The following SEMA5A variants were observed in gnomAD, a reference collection of about 807,000 sequenced individuals.
SEMA5A encodes the protein semaphorin 5A.
A neutral mutation model predicts 135.5 loss-of-function variants in SEMA5A; 55 were observed. The observed-to-expected ratio is 0.41, with a 90% CI of 0.33 to 0.51. The LOEUF (loss-of-function observed/expected upper bound fraction) is 0.51, where lower values mean the gene tolerates loss of function less well. SEMA5A is among the 20% of genes least tolerant of loss of function. The probability of loss-of-function intolerance (pLI) is 0.37; values close to 1 mark genes in which losing one functional copy is unlikely to be tolerated. For missense variants in SEMA5A, 1,290 were observed against 1,419.9 expected, an observed-to-expected ratio of 0.91 and a Z score of 1.47; for synonymous variants, 580 against 546.5, an observed-to-expected ratio of 1.06 and a Z score of -0.85.
At chr5:9,155,336 G>A (rs536234926) in intron 11 of SEMA5A, among the ~76,000 whole-genome samples, 5 of 152,064 alleles carry the variant, frequency 3.3e-5, no homozygotes, top group East Asian at 3.9e-4. Context: ...AGCCCTCCCC[G>A]CTCCAGGCTT....
chr5:9,158,670 C>G (rs538125580), intron 11 of SEMA5A, among the ~76,000 whole-genome samples: 14 of 152,158 alleles, frequency 9.2e-5, no homozygotes, highest in African/African-American at 3.4e-4. Flanking sequence ...TGAAAATGTC[C>G]CCTACTCATT....
intron 1 of SEMA5A, among the ~76,000 whole-genome samples, chr5:9,497,427 C>A (rs752812381): frequency 1.3e-5 from 2 of 152,136 alleles, no homozygotes; most frequent in African/African-American, 2.4e-5. Context: ...GGCTATAGTG[C>A]CGATAATGGA....
intron 16 of SEMA5A, among the ~76,000 whole-genome samples, chr5:9,103,852 T>A (rs1739760964): frequency 6.6e-6 from 1 of 152,182 alleles, no homozygotes; most frequent in South Asian, 2.1e-4. Flanking sequence ...AGAGTTAAGA[T>A]TTGTGTTACG....
intron 11 of SEMA5A, among the ~76,000 whole-genome samples, chr5:9,171,745 C>A (rs1743934862): frequency 3.3e-5 from 5 of 152,260 alleles, no homozygotes; most frequent in Admixed American, 2.6e-4. Context: ...GATATATGTC[C>A]TCCAGCTAAA....
chr5:9,204,379 T>A lies in SEMA5A; in HGVS notation c.647-2139A>T, dbSNP rs1024589142. The stretch of plus-strand genomic sequence containing the variant: ...CTTCTGCTATTAACTTGGGGACAAA[T>A]GGCATGAAAACCACATAGTAAATAG... On this transcript the variant is annotated intron_variant, in intron 8 of 22. Transcript: ENST00000382496. The surrounding 1 kb of genome is among the most constrained non-coding windows in gnomAD (Gnocchi z 6.4). Among the ~76,000 whole-genome samples, 1 of 152,180 alleles carries A rather than the reference T, an allele frequency of 6.6e-6. No homozygotes were observed. The highest frequency in any genetic ancestry group is 2.4e-5 in the African/African-American group (1 of 41,440).
intron 11 of SEMA5A, among the ~76,000 whole-genome samples, chr5:9,157,342 G>A (rs1806138): frequency 0.15 from 23,031 of 152,164 alleles, 1,789 homozygotes; most frequent in South Asian, 0.29. Context: ...AAAGCTGAAT[G>A]TTGGCTCTGT....
At chr5:9,067,510 C>T (rs761235289) in intron 16 of SEMA5A, among the ~76,000 whole-genome samples, 6 of 151,964 alleles carry the variant, frequency 3.9e-5, no homozygotes, top group Non-Finnish European at 5.9e-5. Flanking sequence ...CTAGTGATGG[C>T]CACAGGATTA....
chr5:9,420,919 G>A (rs760342262), intron 2 of SEMA5A, among the ~76,000 whole-genome samples: 5 of 152,198 alleles, frequency 3.3e-5, no homozygotes, highest in Admixed American at 1.3e-4. Flanking sequence ...GGGAAGCTGA[G>A]GCAGGAGAAT....
chr5:9,067,670 C>T (rs554018181), intron 16 of SEMA5A, among the ~76,000 whole-genome samples: 1 of 152,326 alleles, frequency 6.6e-6, no homozygotes, highest in East Asian at 1.9e-4. Context: ...TAGAGCTAAA[C>T]TTGAGTTTGG....
chr5:9,337,775 A>G lies in SEMA5A; in HGVS notation c.162T>C (p.Asn54=). The G allele has an allele frequency of 6.2e-7, 1 of 1,611,726 alleles. No individual in the cohort carries two copies. The highest frequency in any genetic ancestry group is 8.5e-7 in the Non-Finnish European group (1 of 1,178,452). ...GPWLREFRAK[N]AVDFSQLTFD... is the part of the protein sequence containing the mutation. ...ATGTTAACTGCGAGAAATCCACAGC[A>G]TTCTTCGCTCTGAACTCCCGTAACC... is the stretch of plus-strand genomic sequence containing the variant. Residue 54 remains asparagine, a synonymous_variant, in exon 4 of 23, where the codon AAT becomes AAC. Coordinates refer to ENST00000382496, the MANE Select transcript of SEMA5A (RefSeq NM_003966.3).
intron 16 of SEMA5A, among the ~76,000 whole-genome samples, chr5:9,075,810 A>G (rs558908737): frequency 1.3e-5 from 2 of 152,334 alleles, no homozygotes; most frequent in African/African-American, 2.4e-5. Context: ...TTAAACATGT[A>G]GTGCATTGTA....
chr5:9,112,207 T>G (rs1560927619), intron 15 of SEMA5A, among the ~76,000 whole-genome samples: 1 of 152,238 alleles, frequency 6.6e-6, no homozygotes, highest in African/African-American at 2.4e-5. Context: ...ATTAATGACC[T>G]AGCACTGTTT....
intron 1 of SEMA5A, among the ~76,000 whole-genome samples, chr5:9,538,436 C>T (rs1237454378): frequency 1.3e-5 from 2 of 152,174 alleles, no homozygotes; most frequent in African/African-American, 4.8e-5. Flanking sequence ...CAGAAGCAGG[C>T]ATCATGAACT....
At chr5:9,248,479 A>T (rs193247116) in intron 5 of SEMA5A, among the ~76,000 whole-genome samples, 1 of 151,768 alleles carries the variant, frequency 6.6e-6, no homozygotes, top group East Asian at 1.9e-4. Flanking sequence ...AGGGTGGAGC[A>T]TTGGAGTAGG....
Position 9,063,430 on chromosome 5 carries a change from A to C in SEMA5A, c.2300-325T>G, listed in dbSNP as rs559194769. On this transcript the variant is annotated intron_variant, in intron 17 of 22. Coordinates refer to ENST00000382496, the MANE Select transcript of SEMA5A (RefSeq NM_003966.3). Reference sequence around the variant, plus strand: ...AGACACTTCTTACAAAGAAAACACAACTTTCTCACTTTCCTTGGGAATTCT... The same window carrying C: ...AGACACTTCTTACAAAGAAAACACACCTTTCTCACTTTCCTTGGGAATTCT... Among the ~76,000 whole-genome samples, 7 of 152,336 alleles carry C rather than the reference A, an allele frequency of 4.6e-5. No homozygotes were observed. The South Asian group carries it at 1.5e-3, about 32-fold the overall frequency.
intron 8 of SEMA5A, among the ~76,000 whole-genome samples, chr5:9,214,582 G>A (rs901823973): frequency 6.6e-6 from 1 of 152,298 alleles, no homozygotes; most frequent in East Asian, 1.9e-4. Context: ...TAGAATTCTG[G>A]TAGGTCCTTA....
At chr5:9,430,206 G>T (rs1757809019) in intron 2 of SEMA5A, among the ~76,000 whole-genome samples, 1 of 152,176 alleles carries the variant, frequency 6.6e-6, no homozygotes, top group Non-Finnish European at 1.5e-5. Context: ...TGGAAGACTG[G>T]ACTTCCCATT....
At chr5:9,325,622 C>T (rs960690743) in intron 4 of SEMA5A, among the ~76,000 whole-genome samples, 20 of 151,912 alleles carry the variant, frequency 1.3e-4, no homozygotes, top group Admixed American at 1.3e-3. Context: ...TTTGTATCTT[C>T]ATGTAAAGTA....
chr5:9,476,129 T>C (rs1355662478), intron 1 of SEMA5A, among the ~76,000 whole-genome samples: 1 of 152,252 alleles, frequency 6.6e-6, no homozygotes, highest in Non-Finnish European at 1.5e-5. Flanking sequence ...GGCCGTACAT[T>C]ACTCTGTGCT....
Sources: allele counts gnomAD v4.1 joint callset (sites outside exome capture counted in the v4.1 genomes callset), GRCh38; gene constraint gnomAD v4.1.1; non-coding constraint Gnocchi (gnomAD v3.1); transcripts MANE v1.5; gene names NCBI Gene and HGNC (gene_info 2026-07-23, HGNC 2026-07-21).